Variants in ST6GALNAC2 observed in about 807,000 individuals in gnomAD.
ST6GALNAC2 encodes the protein ST6 N-acetylgalactosaminide alpha-2,6-sialyltransferase 2.
Under a neutral mutation model 38.7 loss-of-function variants are expected in ST6GALNAC2, and 42 were observed. The observed-to-expected ratio is 1.09, with a 90% CI of 0.85 to 1.40. The LOEUF (loss-of-function observed/expected upper bound fraction) is 1.40. Ranked by LOEUF, ST6GALNAC2 falls within the 40% of genes most tolerant of loss-of-function variation. ST6GALNAC2 has a pLI of 0.00. For missense variants in ST6GALNAC2, 506 were observed against 481.7 expected (o/e 1.05, Z -0.47); for synonymous variants, 233 against 209.0 (o/e 1.11, Z -0.99).
At chr17:76,576,943 C>T (rs2075423023) in intron 2 of ST6GALNAC2, among the ~76,000 whole-genome samples, 1 of 145,480 alleles carries the variant, frequency 6.9e-6, no homozygotes, top group African/African-American at 2.5e-5. Context: ...GCACTCCAGC[C>T]TGGGCAACAA....
intron 7 of ST6GALNAC2, 65 bp downstream of exon 7, chr17:76,568,648 A>T: frequency 6.6e-7 from 1 of 1,523,006 alleles, no homozygotes; most frequent in Admixed American, 1.7e-5. Context: ...CGCTGACTGG[A>T]TGTGGGTGGG....
rs756374085 is a variant in ST6GALNAC2, at chr17:76,572,622, C to T, written c.669+15G>A. 21 of 1,613,638 alleles carry T rather than the reference C, an allele frequency of 1.3e-5. No individual in the cohort carries two copies. Among genetic ancestry groups the T allele is most frequent in the East Asian group, 4.5e-5 (2 of 44,884 alleles). ...CCATTGTCAACCACAATGGCATGCCCGCCAGAGGCCTCACCTGTCCTTGTG... is the reference window on the plus strand; with the variant it reads ...CCATTGTCAACCACAATGGCATGCCTGCCAGAGGCCTCACCTGTCCTTGTG... On this transcript the variant is annotated intron_variant, in intron 5 of 8. Transcript: ENST00000225276.
At chr17:76,582,083 T>C (rs1028463353) in intron 1 of ST6GALNAC2, among the ~76,000 whole-genome samples, 1 of 151,646 alleles carries the variant, frequency 6.6e-6, no homozygotes, top group Non-Finnish European at 1.5e-5. Flanking sequence ...GCCACGATGG[T>C]CTTGATCTCT....
intron 8 of ST6GALNAC2, 69 bp from the exon 9 acceptor site, chr17:76,566,340 G>A: frequency 6.5e-7 from 1 of 1,542,922 alleles, no homozygotes; most frequent in South Asian, 1.2e-5. Context: ...TGGGTGAAGT[G>A]ACATGAGTTT....
At chr17:76,574,272 A>G in intron 3 of ST6GALNAC2, 93 bp downstream of exon 3, 3 of 1,421,302 alleles carry the variant, frequency 2.1e-6, no homozygotes, top group Non-Finnish European at 2.9e-6. Flanking sequence ...TGGCATCACC[A>G]GTGCTATGAG....
chr17:76,572,913 G>T, intron 4 of ST6GALNAC2, 138 bp from the exon 5 acceptor site: 3 of 1,116,600 alleles, frequency 2.7e-6, no homozygotes, highest in East Asian at 2.4e-5. Flanking sequence ...CCAGTGCCCA[G>T]TTGTCAACCA....
intron 1 of ST6GALNAC2, among the ~76,000 whole-genome samples, chr17:76,580,697 G>A (rs571095776): frequency 2.5e-4 from 37 of 145,528 alleles, no homozygotes; most frequent in Non-Finnish European, 5.1e-4. Flanking sequence ...TCCAGCCTGG[G>A]TGACAGAGTG....
rs759093977 is a variant in ST6GALNAC2, at chr17:76,572,779, G to A, written c.531-4C>T. On this transcript the variant is annotated splice_polypyrimidine_tract_variant and splice_region_variant and intron_variant, in intron 4 of 8. Coordinates refer to ENST00000225276, the MANE Select transcript of ST6GALNAC2 (RefSeq NM_006456.3). ...TTTGATCACAGCTCCATTGAGTCTG[G>A]TTGGCACAGAGGCCCATCAGTGTCT... is the stretch of plus-strand genomic sequence containing the variant. 1.9e-6 allele frequency: 3 copies of A among 1,613,904 alleles called. No individual in the cohort carries two copies. The Admixed American group carries it at 5.0e-5, about 27-fold the overall frequency.
At position 76,566,192 on chromosome 17, in the gene ST6GALNAC2, A is replaced by C; in HGVS notation, c.1037T>G (p.Ile346Arg). 1.9e-6 allele frequency: 3 copies of C among 1,614,174 alleles called. No homozygotes were observed. Among genetic ancestry groups the C allele is most frequent in the Middle Eastern group, 3.3e-4 (2 of 6,062 alleles). ...HYFERKMKPL[I>R]FYANHDLSLE... ...GGACAGATCGTGGTTTGCATAAAATATCAATGGCTTCATTTTTCGTTCGAA... is the reference window on the plus strand; with the variant it reads ...GGACAGATCGTGGTTTGCATAAAATCTCAATGGCTTCATTTTTCGTTCGAA... Residue 346 changes from isoleucine (I) to arginine (R), a missense_variant, in exon 9 of 9, where the codon ATA becomes AGA. By Grantham distance (97) the Ile-to-Arg change is moderately conservative. Coordinates refer to ENST00000225276, the MANE Select transcript of ST6GALNAC2 (RefSeq NM_006456.3).
intron 6 of ST6GALNAC2, chr17:76,569,643 G>A (rs1052245690): frequency 7.5e-6 from 3 of 398,524 alleles, no homozygotes; most frequent in Non-Finnish European, 1.3e-5. Context: ...GGGAAGGGGA[G>A]CTCATTGGTG....
rs917467531 is a variant in ST6GALNAC2 at position 76,570,725 on chromosome 17, G to T, written c.670-57C>A. ...GAACCAGGACATGTTTAGCTCCTCA[G>T]TGTGGACAGCCCTCCACCCAACCTT... is the stretch of plus-strand genomic sequence containing the variant. On this transcript the variant is annotated intron_variant, in intron 5 of 8. Coordinates refer to ENST00000225276, the MANE Select transcript of ST6GALNAC2 (RefSeq NM_006456.3). 1.5e-5 allele frequency: 20 copies of T among 1,372,976 alleles called. No individual in the cohort carries two copies. In the East Asian group the frequency reaches 3.8e-4, roughly 26 times the overall value. The allele number at this position is 1,372,976 out of a possible 1,614,324, so 85.0% of individuals were successfully genotyped here.
Position 76,573,886 on chromosome 17 carries a change from A to C in ST6GALNAC2, c.361+479T>G, listed in dbSNP as rs1266157133. ...GGTTGTAGTGAGCTGAGATTGTGCCATTGCACTCCAGCCTGAGTGACAGAG... is the reference window on the plus strand; with the variant it reads ...GGTTGTAGTGAGCTGAGATTGTGCCCTTGCACTCCAGCCTGAGTGACAGAG... On this transcript the variant is annotated intron_variant, in intron 3 of 8. Coordinates refer to ENST00000225276, the MANE Select transcript of ST6GALNAC2 (RefSeq NM_006456.3). This position sits in a 1 kb window ranked among gnomAD's most constrained non-coding sequence, Gnocchi z 5.1. Among the ~76,000 whole-genome samples, 1 of 152,200 alleles carries C rather than the reference A, an allele frequency of 6.6e-6. No individual in the cohort carries two copies. Among genetic ancestry groups the C allele is most frequent in the Non-Finnish European group, 1.5e-5 (1 of 68,026 alleles).
chr17:76,578,628 G>A (rs1026283574), intron 2 of ST6GALNAC2, 128 bp downstream of exon 2: 1 of 836,820 alleles, frequency 1.2e-6, no homozygotes, highest in East Asian at 2.6e-5. Context: ...ATGCTCAGCT[G>A]TAACTTAGGG....
At chr17:76,569,770 G>GC in intron 6 of ST6GALNAC2, 2 of 183,316 alleles carry the variant, frequency 1.1e-5, no homozygotes, top group South Asian at 2.4e-4. Flanking sequence ...TAATCACCAA[G>GC]CGGGGGTGGG....
intron 2 of ST6GALNAC2, among the ~76,000 whole-genome samples, chr17:76,575,467 A>G (rs980544224): frequency 2.4e-4 from 37 of 152,278 alleles, no homozygotes; most frequent in African/African-American, 8.4e-4. Flanking sequence ...CCGGGTGATG[A>G]TGAAGCAGGG....
rs1037525056 is a variant in ST6GALNAC2, at chr17:76,573,879, T to C, written c.361+486A>G. Among the ~76,000 whole-genome samples, 1 of 152,174 alleles carries C rather than the reference T, an allele frequency of 6.6e-6. No homozygotes were observed. ...AGGCGGAGGTTGTAGTGAGCTGAGA[T>C]TGTGCCATTGCACTCCAGCCTGAGT... On this transcript the variant is annotated intron_variant, in intron 3 of 8. Coordinates refer to ENST00000225276, the MANE Select transcript of ST6GALNAC2 (RefSeq NM_006456.3). The surrounding 1 kb of genome is among the most constrained non-coding windows in gnomAD (Gnocchi z 5.1).
chr17:76,572,171 T>A (rs569528885), intron 5 of ST6GALNAC2, among the ~76,000 whole-genome samples: 1 of 152,078 alleles, frequency 6.6e-6, no homozygotes, highest in Admixed American at 6.5e-5. Flanking sequence ...GTGGTGACCG[T>A]GTGTGTGCCC....
chr17:76,576,557 G>T (rs1205614058), intron 2 of ST6GALNAC2, among the ~76,000 whole-genome samples: 6 of 152,164 alleles, frequency 3.9e-5, no homozygotes, highest in South Asian at 2.1e-4. Context: ...AACACACTCG[G>T]TGAAGCTGAT....
chr17:76,570,785 A>G, intron 5 of ST6GALNAC2, 117 bp from the exon 6 acceptor site: 2 of 741,598 alleles, frequency 2.7e-6, no homozygotes, highest in Non-Finnish European at 4.6e-6. Flanking sequence ...TCCCTTAAAT[A>G]CCTTTCATTC....
Sources: allele counts gnomAD v4.1 joint callset (sites outside exome capture counted in the v4.1 genomes callset), GRCh38; gene constraint gnomAD v4.1.1; non-coding constraint Gnocchi (gnomAD v3.1); transcripts MANE v1.5; gene names NCBI Gene and HGNC (gene_info 2026-07-23, HGNC 2026-07-21).